Variants in CD96 observed in about 807,000 individuals in gnomAD.
The protein encoded by CD96 is CD96 molecule.
CD96 carries 70 observed loss-of-function variants against 71.3 expected under a neutral mutation model. The ratio of observed to expected loss-of-function variants is 0.98; its 90% confidence interval spans 0.81 to 1.20. The LOEUF (loss-of-function observed/expected upper bound fraction) is 1.20. Among genes scored for constraint, CD96 ranks in the 50% most tolerant of loss-of-function variants. CD96 has a pLI of 0.00. For missense variants in CD96, 742 were observed against 677.5 expected, an observed-to-expected ratio of 1.10 and a Z score of -1.06; for synonymous variants, 248 against 233.0, an observed-to-expected ratio of 1.06 and a Z score of -0.59.
intron 2 of CD96, among the ~76,000 whole-genome samples, chr3:111,550,440 A>G (rs1465366513): frequency 6.6e-6 from 1 of 152,130 alleles, no homozygotes; most frequent in Non-Finnish European, 1.5e-5. Context: ...AATTAATAAG[A>G]AACACTTGAC....
chr3:111,546,782 C>T lies in CD96; in HGVS notation c.418+1380C>T, dbSNP rs531724738. On this transcript the variant is annotated intron_variant, in intron 2 of 13. Transcript: ENST00000352690. ...ATAGCCTCCTCTCCATGTCTTATAA[C>T]TTACTTGCTTTAAAAATATGCTGTT... Among the ~76,000 whole-genome samples, 10 of 152,172 alleles carry T rather than the reference C, an allele frequency of 6.6e-5. No individual in the cohort carries two copies. The South Asian group carries it at 1.9e-3, about 28-fold the overall frequency.
At chr3:111,632,718 C>T (rs949310834) in intron 10 of CD96, among the ~76,000 whole-genome samples, 1 of 152,144 alleles carries the variant, frequency 6.6e-6, no homozygotes, top group Non-Finnish European at 1.5e-5. Context: ...TGGAATCAAC[C>T]TAAATGCCCA....
intron 5 of CD96, among the ~76,000 whole-genome samples, chr3:111,589,014 G>T (rs530835381): frequency 2.0e-5 from 3 of 148,052 alleles, no homozygotes; most frequent in African/African-American, 5.0e-5. Flanking sequence ...CCAGTGCCGC[G>T]ATCTCTGCTC....
rs1940076803 is a variant in CD96 at position 111,651,527 on chromosome 3, A to G, written c.*1721A>G. 1 of 152,216 alleles carries G rather than the reference A, an allele frequency of 6.6e-6. No individual in the cohort carries two copies. The allele number at this position is 152,216 out of a possible 1,614,324, so 9.4% of individuals were successfully genotyped here. On this transcript the variant is annotated 3_prime_UTR_variant, in exon 14 of 14. Coordinates refer to ENST00000352690, the MANE Select transcript of CD96 (RefSeq NM_005816.5). ...TCTTCTTTGATCTCTCTTTGACCATACTGACACTGGGAAAAGCCCATTCCC... is the reference window on the plus strand; with the variant it reads ...TCTTCTTTGATCTCTCTTTGACCATGCTGACACTGGGAAAAGCCCATTCCC...
intron 8 of CD96, 54 bp from the exon 9 acceptor site, chr3:111,623,700 A>T: frequency 9.1e-7 from 1 of 1,104,114 alleles, no homozygotes; most frequent in Non-Finnish European, 1.4e-6. Context: ...TGGCACAGTT[A>T]AACATACGAA....
intron 10 of CD96, chr3:111,635,040 G>C (rs1374694057): frequency 6.5e-6 from 1 of 153,258 alleles, no homozygotes; most frequent in African/African-American, 2.4e-5. Flanking sequence ...GGAAAGTATT[G>C]TTTCATCAAA....
At chr3:111,628,346 G>A (rs1217737240) in intron 10 of CD96, among the ~76,000 whole-genome samples, 1 of 152,194 alleles carries the variant, frequency 6.6e-6, no homozygotes, top group African/African-American at 2.4e-5. Context: ...CAATCTGATA[G>A]AGCTGAAAAA....
At chr3:111,633,615 T>A (rs982213464) in intron 10 of CD96, 1 of 152,264 alleles carries the variant, frequency 6.6e-6, no homozygotes, top group East Asian at 1.9e-4. Context: ...TCCCCATGGT[T>A]AAGGCATAAG....
At chr3:111,567,424 A>G in intron 2 of CD96, 99 bp from the exon 3 acceptor site, 1 of 927,414 alleles carries the variant, frequency 1.1e-6, no homozygotes, top group Non-Finnish European at 1.7e-6. Context: ...CTGAGGACAG[A>G]TGAATCCCTA....
downstream of CD96, among the ~76,000 whole-genome samples, chr3:111,653,965 G>T (rs556000210): frequency 6.6e-6 from 1 of 152,276 alleles, no homozygotes; most frequent in Non-Finnish European, 1.5e-5. Flanking sequence ...AAGATCAGAA[G>T]TTGAAAAGAA....
intron 5 of CD96, chr3:111,592,812 G>A (rs560716783): frequency 1.3e-4 from 20 of 152,144 alleles, no homozygotes; most frequent in Non-Finnish European, 1.3e-4. Context: ...AACTAAGTAA[G>A]TTGAGAGGTT....
intron 8 of CD96, among the ~76,000 whole-genome samples, chr3:111,618,921 C>T (rs1180778825): frequency 1.3e-5 from 2 of 152,038 alleles, no homozygotes; most frequent in African/African-American, 4.8e-5. Context: ...ACTTATGCTA[C>T]TTTGCAACTG....
intron 3 of CD96, among the ~76,000 whole-genome samples, 168 bp from the exon 4 acceptor site, chr3:111,578,859 T>C (rs1311003206): frequency 6.6e-6 from 1 of 152,196 alleles, no homozygotes; most frequent in African/African-American, 2.4e-5. Flanking sequence ...TAACTGAAAG[T>C]CAAGTGTATC....
At chr3:111,567,067 G>C (rs1447008297) in intron 2 of CD96, among the ~76,000 whole-genome samples, 1 of 152,114 alleles carries the variant, frequency 6.6e-6, no homozygotes, top group African/African-American at 2.4e-5. Context: ...GGAGGCTGTG[G>C]GTGGGTAGAG....
At chr3:111,593,499 A>G (rs1010388414) in intron 5 of CD96, 43 of 1,500,052 alleles carry the variant, frequency 2.9e-5, no homozygotes, top group South Asian at 5.6e-5. Context: ...GCTCTTTTCT[A>G]CAAGTCTAGA....
chr3:111,588,244 T>A (rs944972114), intron 5 of CD96, among the ~76,000 whole-genome samples: 1 of 152,190 alleles, frequency 6.6e-6, no homozygotes, highest in African/African-American at 2.4e-5. Context: ...TCCTAAATCA[T>A]CTATCTTAAG....
At chr3:111,641,124 G>T (rs1939570265) in intron 12 of CD96, among the ~76,000 whole-genome samples, 1 of 152,204 alleles carries the variant, frequency 6.6e-6, no homozygotes, top group Non-Finnish European at 1.5e-5. Context: ...AGAGCAAGAT[G>T]AAAGCAATGG....
Position 111,606,993 on chromosome 3 carries a change from T to C in CD96, c.1180+201T>C, listed in dbSNP as rs189224024. On this transcript the variant is annotated intron_variant, in intron 8 of 13. Transcript: ENST00000352690. ...CCATTTAAAATGTATGATCTAATGGTTTTTAGTATGTTCACAGACTTGTAC... is the reference window on the plus strand; with the variant it reads ...CCATTTAAAATGTATGATCTAATGGCTTTTAGTATGTTCACAGACTTGTAC... The C allele has an allele frequency of 1.3e-4, 84 of 628,288 alleles. No homozygotes were observed. The East Asian group carries it at 1.8e-3, about 13-fold the overall frequency. The allele number at this position is 628,288 out of a possible 1,614,324, so 38.9% of individuals were successfully genotyped here.
chr3:111,545,459 T>C (rs1934347610), intron 2 of CD96, 57 bp downstream of exon 2: 2 of 1,180,868 alleles, frequency 1.7e-6, no homozygotes, highest in Non-Finnish European at 2.5e-6. Context: ...ATTCAACAAA[T>C]GTACATTTTA....
Sources: gnomAD v4.1 joint callset for allele counts (sites outside exome capture counted in the v4.1 genomes callset) on GRCh38, gnomAD v4.1.1 for gene constraint, MANE v1.5 for transcripts, NCBI Gene and HGNC (gene_info 2026-07-23, HGNC 2026-07-21) for gene names.